RALGAPB: variants seen among roughly 807,000 people sequenced by gnomAD.
RALGAPB encodes Ral GTPase activating protein non-catalytic subunit beta.
Under a neutral mutation model 161.1 loss-of-function variants are expected in RALGAPB, and 25 were observed. That is an observed-to-expected ratio of 0.16 (90% CI 0.11 to 0.22). RALGAPB has a LOEUF of 0.22. Among genes scored for constraint, RALGAPB ranks in the 10% least tolerant of loss-of-function variants. The probability of loss-of-function intolerance (pLI) is 1.00; values close to 1 mark genes in which losing one functional copy is unlikely to be tolerated. For missense variants in RALGAPB, 1,391 were observed against 1,815.2 expected (o/e 0.77, Z 4.25); for synonymous variants, 629 against 626.1 (o/e 1.00, Z -0.07).
chr20:38,493,494 G>A (rs2085333832), intron 3 of RALGAPB, among the ~76,000 whole-genome samples: 1 of 152,132 alleles, frequency 6.6e-6, no homozygotes, highest in East Asian at 1.9e-4. Flanking sequence ...TACCTTAATA[G>A]GCATCTTTCC....
rs377161520 is a variant in RALGAPB at position 38,554,089 on chromosome 20, A to T, written c.3372+13A>T. On this transcript the variant is annotated intron_variant, in intron 22 of 29. Coordinates refer to ENST00000262879, the MANE Select transcript of RALGAPB (RefSeq NM_020336.4). ...AGAAGCACTGAAGGTAATTTTCATG[A>T]ACTTTTATGAATAAATATATTCACA... is the stretch of plus-strand genomic sequence containing the variant. 2.6e-6 allele frequency: 4 copies of T among 1,550,596 alleles called. No individual in the cohort carries two copies. In the African/African-American group the frequency reaches 5.4e-5, roughly 21 times the overall value.
chr20:38,555,050 C>T (rs573163087), intron 22 of RALGAPB, among the ~76,000 whole-genome samples: 216 of 152,296 alleles, frequency 1.4e-3, no homozygotes, highest in Non-Finnish European at 1.9e-3. Context: ...CTCCACTCCA[C>T]TCCAGCCTGG....
At chr20:38,528,412 C>T (rs2086539297) in intron 13 of RALGAPB, among the ~76,000 whole-genome samples, 1 of 151,764 alleles carries the variant, frequency 6.6e-6, no homozygotes, top group African/African-American at 2.4e-5. Context: ...TGCTCTGTTG[C>T]CCAGGCTGGA....
chr20:38,558,527 C>G, intron 23 of RALGAPB, 74 bp downstream of exon 23: 1 of 1,284,470 alleles, frequency 7.8e-7, no homozygotes, highest in Non-Finnish European at 1.0e-6. Context: ...AAAATTGAGG[C>G]AAAATTAATA....
At chr20:38,570,365 G>C (rs961448161) in intron 27 of RALGAPB, among the ~76,000 whole-genome samples, 1 of 152,164 alleles carries the variant, frequency 6.6e-6, no homozygotes, top group Admixed American at 6.5e-5. Context: ...ATGTCCTACT[G>C]TCTCGTTTTA....
At chr20:38,485,180 C>T (rs2085079925) in intron 1 of RALGAPB, among the ~76,000 whole-genome samples, 2 of 152,132 alleles carry the variant, frequency 1.3e-5, no homozygotes, top group Non-Finnish European at 2.9e-5. Flanking sequence ...GGTTTTCTAG[C>T]AGATGTTCAA....
chr20:38,540,972 G>A, intron 17 of RALGAPB, 69 bp from the exon 18 acceptor site: 3 of 1,538,684 alleles, frequency 1.9e-6, no homozygotes, highest in Non-Finnish European at 2.7e-6. Flanking sequence ...GTTAGCATTT[G>A]GATGGATTTC....
chr20:38,479,892 C>T (rs1313536821), intron 1 of RALGAPB, among the ~76,000 whole-genome samples: 3 of 152,150 alleles, frequency 2.0e-5, no homozygotes, highest in Non-Finnish European at 2.9e-5. Context: ...TTCTACTATC[C>T]CTTCAGTGTA....
intron 24 of RALGAPB, among the ~76,000 whole-genome samples, chr20:38,564,220 A>G (rs2145499735): frequency 6.6e-6 from 1 of 152,326 alleles, no homozygotes; most frequent in African/African-American, 2.4e-5. Context: ...TCAGAAAACT[A>G]AAGCCCTGTT....
At chr20:38,527,740 T>G (rs1269275453) in intron 13 of RALGAPB, among the ~76,000 whole-genome samples, 1 of 152,222 alleles carries the variant, frequency 6.6e-6, no homozygotes, top group Non-Finnish European at 1.5e-5. Context: ...TTAAATAACA[T>G]AATTTTGCTT....
intron 13 of RALGAPB, among the ~76,000 whole-genome samples, chr20:38,526,581 T>TCTTCATCATCTTCTTAAGAGAGAGCTTCC (rs2086478508): frequency 6.6e-6 from 1 of 152,234 alleles, no homozygotes; most frequent in Non-Finnish European, 1.5e-5. Context: ...GTTTAGCTTT[T>TCTTCATCATCTTCTTAAGAGAGAGCTTCC]CTTCATCATC....
intron 13 of RALGAPB, among the ~76,000 whole-genome samples, chr20:38,528,853 G>C (rs150472821): frequency 6.6e-6 from 1 of 151,988 alleles, no homozygotes; most frequent in Non-Finnish European, 1.5e-5. Context: ...GCTAATTTTT[G>C]TATTTTTTAG....
At chr20:38,555,389 T>C (rs2087545001) in intron 22 of RALGAPB, among the ~76,000 whole-genome samples, 1 of 152,234 alleles carries the variant, frequency 6.6e-6, no homozygotes, top group Non-Finnish European at 1.5e-5. Flanking sequence ...TTTTGTATTT[T>C]TGTATTTTTT....
chr20:38,568,251 A>C (rs2088082932), intron 26 of RALGAPB, among the ~76,000 whole-genome samples: 1 of 145,950 alleles, frequency 6.9e-6, no homozygotes, highest in South Asian at 2.1e-4. Flanking sequence ...CTAAAAACAA[A>C]AAAACAAAAA....
At chr20:38,541,234 T>A (rs766047551) in intron 18 of RALGAPB, 42 bp downstream of exon 18, 52 of 1,603,222 alleles carry the variant, frequency 3.2e-5, no homozygotes, top group Non-Finnish European at 4.3e-5. Context: ...AGGAATTAGA[T>A]GGGGTTAGCA....
chr20:38,534,743 ACT>A (rs2086752661), intron 15 of RALGAPB, among the ~76,000 whole-genome samples: 1 of 152,022 alleles, frequency 6.6e-6, no homozygotes, highest in Non-Finnish European at 1.5e-5. Context: ...CCTTTTCATC[ACT>A]CTTTTTGAAA....
chr20:38,484,008 G>A (rs1568898213), intron 1 of RALGAPB, among the ~76,000 whole-genome samples: 1 of 152,008 alleles, frequency 6.6e-6, no homozygotes, highest in South Asian at 2.1e-4. Flanking sequence ...GGCCAATATG[G>A]TGAATACTAA....
rs2087355313 is a variant in RALGAPB, at chr20:38,551,007, T to C, written c.3010-64T>C. The C allele has an allele frequency of 1.0e-5, 16 of 1,538,506 alleles. No individual in the cohort carries two copies. In the Admixed American group the frequency reaches 2.3e-4, roughly 22 times the overall value. On this transcript the variant is annotated intron_variant, in intron 20 of 29. Transcript: ENST00000262879. ...ACAGGCATCTAAGAGACCAGGGAAA[T>C]ACATGTCATTACAGATGGGTATTGG... is the stretch of plus-strand genomic sequence containing the variant.
intron 28 of RALGAPB, among the ~76,000 whole-genome samples, chr20:38,573,366 A>G (rs1355997808): frequency 6.6e-6 from 1 of 151,944 alleles, no homozygotes; most frequent in Non-Finnish European, 1.5e-5. Context: ...TTTGGCCAAA[A>G]TCACCTTACC....
Sources: gnomAD v4.1 joint callset for allele counts (sites outside exome capture counted in the v4.1 genomes callset) on GRCh38, gnomAD v4.1.1 for gene constraint, MANE v1.5 for transcripts, NCBI Gene and HGNC (gene_info 2026-07-23, HGNC 2026-07-21) for gene names.